UMAD1: variants seen among roughly 807,000 people sequenced by gnomAD.
The protein encoded by UMAD1 is UBAP1-MVB12-associated (UMA)-domain containing protein 1.
Under a neutral mutation model 6.1 loss-of-function variants are expected in UMAD1, and 8 were observed. The ratio of observed to expected loss-of-function variants is 1.30; its 90% CI spans 0.76 to 2.35. The LOEUF is 2.35. Among genes scored for constraint, UMAD1 ranks in the 30% most tolerant of loss-of-function variants. The pLI is 0.00. For synonymous variants in UMAD1, 56 were observed against 31.4 expected (o/e 1.78, Z -2.61); for missense variants, 130 against 78.4 (o/e 1.66, Z -2.49).
Position 7,836,142 on chromosome 7 carries a change from C to T in UMAD1, c.156+34399C>T, listed in dbSNP as rs545043208. Among the ~76,000 whole-genome samples the T allele has an allele frequency of 1.1e-3, 171 of 152,062 alleles. 1 individual carries two copies. The highest frequency in any genetic ancestry group is 1.8e-3 in the Non-Finnish European group (124 of 67,866). On this transcript the variant is annotated intron_variant, in intron 3 of 3. Coordinates refer to ENST00000682710, the MANE Select transcript of UMAD1 (RefSeq NM_001302348.2). ...TAGCTACAATAATTATACCGACTTCCATATTTAACAGCTTTTAATGCTTAC... is the reference window on the plus strand; with the variant it reads ...TAGCTACAATAATTATACCGACTTCTATATTTAACAGCTTTTAATGCTTAC...
chr7:7,650,360 A>C (rs1444962704), intron 1 of UMAD1, among the ~76,000 whole-genome samples: 1 of 152,222 alleles, frequency 6.6e-6, no homozygotes, highest in African/African-American at 2.4e-5. Context: ...CGAGTTCTCA[A>C]AGCATAGTTT....
intron 1 of UMAD1, among the ~76,000 whole-genome samples, chr7:7,642,808 G>T (rs3757526): frequency 0.066 from 10,042 of 152,194 alleles, 448 homozygotes; most frequent in Middle Eastern, 0.12. Context: ...CCTTGCTACA[G>T]CCATAAGTAA....
At chr7:7,728,717 GA>G (rs1781190875) in intron 2 of UMAD1, among the ~76,000 whole-genome samples, 1 of 151,946 alleles carries the variant, frequency 6.6e-6, no homozygotes, top group Admixed American at 6.6e-5. Flanking sequence ...TGCTACACAG[GA>G]AGCACTCAAG....
chr7:7,755,978 A>G (rs1407860734), intron 2 of UMAD1, among the ~76,000 whole-genome samples: 2 of 152,254 alleles, frequency 1.3e-5, no homozygotes, highest in African/African-American at 2.4e-5. Context: ...TACATGAACA[A>G]ATGAGTAAAC....
chr7:7,712,183 G>A (rs911389761), intron 2 of UMAD1, among the ~76,000 whole-genome samples: 5 of 152,058 alleles, frequency 3.3e-5, no homozygotes, highest in African/African-American at 1.2e-4. Context: ...ATATAATGAA[G>A]CATCAGTTGA....
At chr7:7,869,234 C>G (rs1205291631) in intron 3 of UMAD1, among the ~76,000 whole-genome samples, 1 of 48,802 alleles carries the variant, frequency 2.0e-5, no homozygotes, top group African/African-American at 8.8e-5. Context: ...CACCTCACCC[C>G]ACAGTAATGC....
Position 7,662,045 on chromosome 7 carries a change from G to A in UMAD1, c.-63-11264G>A, listed in dbSNP as rs534191186. 2.9e-4 allele frequency among the ~76,000 whole-genome samples: 44 copies of A among 152,302 alleles called. No homozygotes were observed. The South Asian group carries it at 9.1e-3, about 32-fold the overall frequency. ...TCTAGAGAGGCAGTCTGGCTACAGC[G>A]GCTTTGCTGAGCTGTGGAGGGCTGT... On this transcript the variant is annotated intron_variant, in intron 1 of 3. Transcript: ENST00000682710.
intron 2 of UMAD1, among the ~76,000 whole-genome samples, chr7:7,678,492 T>TATATATTTATATATTTAATATAGATAA (rs1431325900): frequency 7.1e-6 from 1 of 140,998 alleles, no homozygotes; most frequent in African/African-American, 2.6e-5. Context: ...TTATAGATAA[T>TATATATTTATATATTTAATATAGATAA]ATATATTTAT....
intron 2 of UMAD1, among the ~76,000 whole-genome samples, chr7:7,797,434 G>T (rs1782708758): frequency 6.6e-6 from 1 of 152,084 alleles, no homozygotes; most frequent in Non-Finnish European, 1.5e-5. Context: ...ATTAAGGAGT[G>T]GGAACCAAGT....
intron 3 of UMAD1, among the ~76,000 whole-genome samples, chr7:7,823,455 A>G (rs1428856134): frequency 6.6e-6 from 1 of 152,104 alleles, no homozygotes; most frequent in Non-Finnish European, 1.5e-5. Context: ...CAGCCCTCTT[A>G]TTAACTCAAA....
chr7:7,734,906 GACTACTATACCAAA>G (rs1781321904), intron 2 of UMAD1, among the ~76,000 whole-genome samples: 1 of 151,976 alleles, frequency 6.6e-6, no homozygotes, highest in Non-Finnish European at 1.5e-5. Flanking sequence ...AAATATCTAA[GACTACTATACCAAA>G]AAGCAGATTG....
chr7:7,740,934 T>C (rs1218377327), intron 2 of UMAD1: 1 of 152,232 alleles, frequency 6.6e-6, no homozygotes, highest in African/African-American at 2.4e-5. Flanking sequence ...CAAGGATGTA[T>C]TGTGAGAATT....
intron 2 of UMAD1, among the ~76,000 whole-genome samples, chr7:7,746,515 C>G (rs973473457): frequency 6.6e-6 from 1 of 152,194 alleles, no homozygotes; most frequent in African/African-American, 2.4e-5. Flanking sequence ...ATTTCACACA[C>G]GTTGCTTAAA....
chr7:7,715,429 C>G (rs1416324961), intron 2 of UMAD1, among the ~76,000 whole-genome samples: 1 of 152,102 alleles, frequency 6.6e-6, no homozygotes, highest in Non-Finnish European at 1.5e-5. Context: ...AGCTAGTTCC[C>G]TGATAAGTAA....
At chr7:7,756,276 C>T (rs115023324) in intron 2 of UMAD1, among the ~76,000 whole-genome samples, 231 of 152,040 alleles carry the variant, frequency 1.5e-3, no homozygotes, top group African/African-American at 5.0e-3. Context: ...GGTGAATTGA[C>T]CAAAAAAGAG....
intron 2 of UMAD1, among the ~76,000 whole-genome samples, chr7:7,684,784 G>T (rs183468152): frequency 1.3e-5 from 2 of 152,318 alleles, no homozygotes; most frequent in East Asian, 3.9e-4. Flanking sequence ...ACCAACATCT[G>T]AGGTACCTTT....
At chr7:7,712,427 T>G (rs1048047636) in intron 2 of UMAD1, among the ~76,000 whole-genome samples, 1 of 152,180 alleles carries the variant, frequency 6.6e-6, no homozygotes, top group East Asian at 1.9e-4. Context: ...ACATTTCTGC[T>G]TTTGTCAGAT....
intron 2 of UMAD1, among the ~76,000 whole-genome samples, chr7:7,776,946 T>A (rs1016341868): frequency 1.3e-5 from 2 of 152,236 alleles, no homozygotes; most frequent in African/African-American, 4.8e-5. Context: ...TTATGTATTC[T>A]TTCAGAGTTT....
chr7:7,777,075 T>G (rs1782222695), intron 2 of UMAD1, among the ~76,000 whole-genome samples: 1 of 152,220 alleles, frequency 6.6e-6, no homozygotes, highest in South Asian at 2.1e-4. Context: ...CAATGTATCT[T>G]AAGACATTTT....
Sources: allele counts gnomAD v4.1 joint callset (sites outside exome capture counted in the v4.1 genomes callset), GRCh38; gene constraint gnomAD v4.1.1; transcripts MANE v1.5; gene names NCBI Gene and HGNC (gene_info 2026-07-23, HGNC 2026-07-21).